Variants in YWHAZ observed in about 807,000 individuals in gnomAD.
The protein encoded by YWHAZ is tyrosine 3-monooxygenase/tryptophan 5-monooxygenase activation protein zeta, also known as 14-3-3 protein zeta/delta.
For synonymous variants in YWHAZ, 87 were observed against 103.6 expected (o/e 0.84, Z 0.97); for missense variants, 79 against 284.8 (o/e 0.28, Z 5.20).
At chr8:100,945,643 C>G (rs978653602) in intron 2 of YWHAZ, among the ~76,000 whole-genome samples, 5 of 151,942 alleles carry the variant, frequency 3.3e-5, no homozygotes, top group African/African-American at 9.7e-5. Context: ...ATAACTTTTT[C>G]TAGTAGAAAT....
Position 100,924,156 on chromosome 8 carries a change from T to C in YWHAZ, c.561A>G (p.Lys187=). The change falls in exon 4 of 6, where the codon AAA becomes AAG. Residue 187 remains lysine (K), a synonymous_variant. Transcript: ENST00000395958. The surrounding 1 kb of genome is among the most constrained non-coding windows in gnomAD (Gnocchi z 5.7). ...FYYEILNSPE[K]ACSLAKTAFD... is the part of the protein sequence containing the mutation. ...ATACTGTCTTTGCAAGAGAGCAGGC[T>C]TTCTCTGGGGAGTTCAGAATCTCAT... 1 of 1,612,406 alleles carries C rather than the reference T, an allele frequency of 6.2e-7. No individual in the cohort carries two copies. Among genetic ancestry groups the C allele is most frequent in the Non-Finnish European group, 8.5e-7 (1 of 1,179,490 alleles).
chr8:100,931,298 T>C (rs1423288355), intron 2 of YWHAZ, among the ~76,000 whole-genome samples: 7 of 152,262 alleles, frequency 4.6e-5, no homozygotes, highest in Non-Finnish European at 1.0e-4. Flanking sequence ...CTTCTTGGCA[T>C]AGACTCAACC....
At chr8:100,925,989 C>T (rs950129977) in intron 2 of YWHAZ, among the ~76,000 whole-genome samples, 1 of 152,042 alleles carries the variant, frequency 6.6e-6, no homozygotes, top group African/African-American at 2.4e-5. Flanking sequence ...AGTTCAAGTA[C>T]ACTCTGAGAA....
At chr8:100,950,539 G>A (rs1810645612) in intron 1 of YWHAZ, 1 of 985,408 alleles carries the variant, frequency 1.0e-6, no homozygotes, top group Non-Finnish European at 1.2e-6. Flanking sequence ...TCAAGTCCCC[G>A]ACTCTCCTCC....
chr8:100,938,919 A>G (rs920094817), intron 2 of YWHAZ, among the ~76,000 whole-genome samples: 5 of 152,246 alleles, frequency 3.3e-5, no homozygotes, highest in Non-Finnish European at 7.3e-5. Context: ...TTTCTATGCA[A>G]TGTGGCCTAA....
intron 2 of YWHAZ, among the ~76,000 whole-genome samples, chr8:100,945,203 A>G (rs1469068027): frequency 6.6e-6 from 1 of 152,226 alleles, no homozygotes; most frequent in Non-Finnish European, 1.5e-5. Flanking sequence ...CCACATTGTG[A>G]AGAGCATGCC....
Position 100,924,389 on chromosome 8 carries a change from G to C in YWHAZ, c.419-91C>G. The C allele has an allele frequency of 7.7e-7, 1 of 1,303,000 alleles. No homozygotes were observed. The highest frequency in any genetic ancestry group is 1.0e-6 in the Non-Finnish European group (1 of 960,100). 80.7% of individuals were successfully genotyped at this position (1,303,000 alleles called of 1,614,324 possible). A position where few individuals can be genotyped will look rare whatever the true frequency, so the allele number is the denominator to read the frequency against. On this transcript the variant is annotated intron_variant, in intron 3 of 5. Coordinates refer to ENST00000395958, the MANE Select transcript of YWHAZ (RefSeq NM_145690.3). This position sits in a 1 kb window ranked among gnomAD's most constrained non-coding sequence, Gnocchi z 5.7. ...ACCTTTAATATCTCACATATCCTTT[G>C]AAATACTAACCTGTAACAGCTTAAT...
rs956387409 is a variant in YWHAZ, at chr8:100,951,343, C to G, written c.-12+586G>C. Reference sequence around the variant, plus strand: ...CGGCCCCTCCCCGCCGCGCCACCGCCTCCCGGGGTGGGGGAGGGCCGGGTC... The same window carrying G: ...CGGCCCCTCCCCGCCGCGCCACCGCGTCCCGGGGTGGGGGAGGGCCGGGTC... On this transcript the variant is annotated intron_variant, in intron 1 of 5. Coordinates refer to ENST00000395958, the MANE Select transcript of YWHAZ (RefSeq NM_145690.3). The G allele has an allele frequency of 7.8e-5, 77 of 984,550 alleles. No homozygotes were observed. In the African/African-American group the frequency reaches 1.2e-3, roughly 15 times the overall value. The allele number at this position is 984,550 out of a possible 1,614,324, so 61.0% of individuals were successfully genotyped here.
intron 2 of YWHAZ, among the ~76,000 whole-genome samples, chr8:100,934,490 CAGG>C (rs1813995412): frequency 2.0e-5 from 3 of 152,034 alleles, no homozygotes; most frequent in Admixed American, 6.6e-5. Context: ...CACCTGAGGT[CAGG>C]AGTTCGAGAC....
At chr8:100,953,260 G>A, upstream of YWHAZ, 1 of 985,472 alleles carries the variant, frequency 1.0e-6, no homozygotes, top group South Asian at 4.7e-5. Context: ...TGCACATGAC[G>A]ATCATTACCT....
chr8:100,924,369 T>C lies in YWHAZ; in HGVS notation c.419-71A>G. On this transcript the variant is annotated intron_variant, in intron 3 of 5. Transcript: ENST00000395958. This position sits in a 1 kb window ranked among gnomAD's most constrained non-coding sequence, Gnocchi z 5.7. The stretch of plus-strand genomic sequence containing the variant: ...ATCTTCACCCCTCAAACCAAACCTT[T>C]AATATCTCACATATCCTTTGAAATA... 6.9e-7 allele frequency: 1 copy of C among 1,459,316 alleles called. No homozygotes were observed. The highest frequency in any genetic ancestry group is 1.4e-5 in the African/African-American group (1 of 71,082). The allele number at this position is 1,459,316 out of a possible 1,614,324, so 90.4% of individuals were successfully genotyped here. A position where few individuals can be genotyped will look rare whatever the true frequency, so the allele number is the denominator to read the frequency against.
rs1181743678 is a variant in YWHAZ at position 100,916,805 on chromosome 8, T to A, written c.*3888A>T. 1.3e-5 allele frequency: 2 copies of A among 152,220 alleles called. No individual in the cohort carries two copies. Among genetic ancestry groups the A allele is most frequent in the African/African-American group, 4.8e-5 (2 of 41,464 alleles). 9.4% of individuals were successfully genotyped at this position (152,220 alleles called of 1,614,324 possible). On this transcript the variant is annotated 3_prime_UTR_variant, in exon 6 of 6. Coordinates refer to ENST00000395958, the MANE Select transcript of YWHAZ (RefSeq NM_145690.3). ...GTTGGACATCCTGTTACAATCTATA[T>A]TCAGGTCTCTCCACTTTGAAAAGGA...
At chr8:100,928,996 TA>T in intron 2 of YWHAZ, among the ~76,000 whole-genome samples, 1 of 152,112 alleles carries the variant, frequency 6.6e-6, no homozygotes, top group East Asian at 1.9e-4. Context: ...TCTTTTCACA[TA>T]AAGGTAAAAC....
At chr8:100,929,968 C>A (rs545260382) in intron 2 of YWHAZ, among the ~76,000 whole-genome samples, 6 of 152,122 alleles carry the variant, frequency 3.9e-5, no homozygotes, top group Non-Finnish European at 7.4e-5. Flanking sequence ...CTGCTCAACA[C>A]AGAAATAAAC....
rs188891931 is a variant in YWHAZ, at chr8:100,951,062, C to A, written c.-12+867G>T. On this transcript the variant is annotated intron_variant, in intron 1 of 5. Transcript: ENST00000395958. Reference sequence around the variant, plus strand: ...CGTCCACACCTCCCCCGCCCGTTCACAAGGAGCAAAAAAAGTCAGACCCAT... The same window carrying A: ...CGTCCACACCTCCCCCGCCCGTTCAAAAGGAGCAAAAAAAGTCAGACCCAT... 190 of 626,096 alleles carry A rather than the reference C, an allele frequency of 3.0e-4. No homozygotes were observed. The African/African-American group carries it at 3.5e-3, about 12-fold the overall frequency. 38.8% of individuals were successfully genotyped at this position (626,096 alleles called of 1,614,324 possible).
intron 2 of YWHAZ, among the ~76,000 whole-genome samples, chr8:100,945,489 C>G (rs1170291257): frequency 6.6e-6 from 1 of 152,100 alleles, no homozygotes; most frequent in East Asian, 1.9e-4. Flanking sequence ...AAAGGGACAC[C>G]TGCTTATTTT....
At chr8:100,923,848 T>A in intron 5 of YWHAZ, 107 bp downstream of exon 5, 1 of 829,556 alleles carries the variant, frequency 1.2e-6, no homozygotes, top group Non-Finnish European at 1.8e-6. Flanking sequence ...ATGAAATGTG[T>A]TGAGAAAAAA....
intron 2 of YWHAZ, among the ~76,000 whole-genome samples, chr8:100,925,429 G>A (rs1430411901): frequency 2.0e-5 from 3 of 152,104 alleles, no homozygotes; most frequent in Non-Finnish European, 4.4e-5. Flanking sequence ...AAGAACATAC[G>A]GGATGAACCT....
intron 5 of YWHAZ, among the ~76,000 whole-genome samples, chr8:100,921,320 T>G (rs564484572): frequency 6.6e-6 from 1 of 152,284 alleles, no homozygotes; most frequent in African/African-American, 2.4e-5. Context: ...TGAGCCACTG[T>G]GCCCAGGCCC....
Sources: gnomAD v4.1 joint callset for allele counts (sites outside exome capture counted in the v4.1 genomes callset) on GRCh38, gnomAD v4.1.1 for gene constraint, Gnocchi (gnomAD v3.1) non-coding constraint, MANE v1.5 for transcripts, NCBI Gene and HGNC (gene_info 2026-07-23, HGNC 2026-07-21) for gene names.